The following ALPK1 variants were observed in gnomAD, a reference collection of about 807,000 sequenced individuals.
ALPK1 encodes alpha-protein kinase 1.
A neutral mutation model predicts 120.6 loss-of-function variants in ALPK1; 110 were observed. That is an observed-to-expected ratio of 0.91 (90% CI 0.78 to 1.07). The LOEUF (loss-of-function observed/expected upper bound fraction) is 1.07. ALPK1 is among the 50% of genes least tolerant of loss of function. The pLI, the probability that ALPK1 is intolerant of heterozygous loss-of-function variation, is 0.00. For missense variants in ALPK1, 1,498 were observed against 1,483.9 expected (o/e 1.01, Z -0.16); for synonymous variants, 582 against 560.3 (o/e 1.04, Z -0.55).
At position 112,432,248 on chromosome 4, in the gene ALPK1, C is replaced by A; in HGVS notation, c.2701C>A (p.Leu901Ile). Residue 901 changes from leucine (L) to isoleucine (I), a missense_variant, in exon 11 of 16, where the codon CTC becomes ATC. Physicochemically the swap from Leu to Ile is conservative, Grantham distance 5 (BLOSUM62 2). Transcript: ENST00000650871. ...AAGCGGTAACATCCTCTTCCCTGTC[C>A]TCAGCGAGGACTGCACTACCACAGA... ...SVSGNILFPV[L>I]SEDCTTTEEG... 1 of 1,614,216 alleles carries A rather than the reference C, an allele frequency of 6.2e-7. No homozygotes were observed. The highest frequency in any genetic ancestry group is 1.3e-5 in the African/African-American group (1 of 75,060).
chr4:112,435,033 T>TA, intron 11 of ALPK1, 115 bp from the exon 12 acceptor site: 2 of 1,019,878 alleles, frequency 2.0e-6, no homozygotes, highest in East Asian at 4.9e-5. Context: ...GAAAAGTGTA[T>TA]AAAAAAGTGA....
At chr4:112,324,541 A>G (rs1417539722) in intron 2 of ALPK1, among the ~76,000 whole-genome samples, 1 of 152,138 alleles carries the variant, frequency 6.6e-6, no homozygotes, top group African/African-American at 2.4e-5. Context: ...GCAGTGGCAC[A>G]ATCATAATTC....
At chr4:112,383,233 G>C (rs990182672) in intron 4 of ALPK1, 1 of 151,812 alleles carries the variant, frequency 6.6e-6, no homozygotes, top group African/African-American at 2.4e-5. Flanking sequence ...TGATAGCGTT[G>C]CTTTTTACCC....
At chr4:112,353,976 G>A (rs1452576097) in intron 2 of ALPK1, among the ~76,000 whole-genome samples, 1 of 152,160 alleles carries the variant, frequency 6.6e-6, no homozygotes, top group East Asian at 1.9e-4. Context: ...CTTTTCATAT[G>A]TTTATTAGCC....
intron 2 of ALPK1, among the ~76,000 whole-genome samples, chr4:112,324,781 C>A (rs910985045): frequency 6.6e-6 from 1 of 152,140 alleles, no homozygotes; most frequent in African/African-American, 2.4e-5. Context: ...CAGGCCTGAT[C>A]TCTCATTCTT....
intron 4 of ALPK1, among the ~76,000 whole-genome samples, chr4:112,406,044 G>A (rs1292083410): frequency 6.6e-6 from 1 of 152,118 alleles, no homozygotes; most frequent in African/African-American, 2.4e-5. Flanking sequence ...GTAAAATGGT[G>A]CGAACTCTGT....
intron 5 of ALPK1, 177 bp from the exon 6 acceptor site, chr4:112,423,767 A>T: frequency 1.4e-6 from 1 of 727,372 alleles, no homozygotes; most frequent in Non-Finnish European, 2.5e-6. Context: ...GGAAAACTTC[A>T]TCTTTCTTTT....
chr4:112,322,911 G>A (rs1240025350), intron 2 of ALPK1, among the ~76,000 whole-genome samples: 1 of 152,188 alleles, frequency 6.6e-6, no homozygotes, highest in South Asian at 2.1e-4. Flanking sequence ...CAGCAATAAA[G>A]TACTTTGCCA....
In ALPK1 at chr4:112,438,622, C is replaced by T. The variant is rs1281304555; in HGVS notation, c.3327C>T (p.Phe1109=). ...LYEQNIPTQI[F]YIPSTILLIL... Reference sequence around the variant, plus strand: ...AACAAAACATTCCCACCCAGATATTCTACATCCCATCCACAATACTACTGG... The same window carrying T: ...AACAAAACATTCCCACCCAGATATTTTACATCCCATCCACAATACTACTGG... Residue 1109 remains phenylalanine, a synonymous_variant, in exon 13 of 16, where the codon TTC becomes TTT. Transcript: ENST00000650871. 4 of 1,613,682 alleles carry T rather than the reference C, an allele frequency of 2.5e-6. No homozygotes were observed. The highest frequency in any genetic ancestry group is 2.2e-5 in the East Asian group (1 of 44,872).
intron 2 of ALPK1, among the ~76,000 whole-genome samples, chr4:112,368,438 G>A (rs1731252226): frequency 6.6e-6 from 1 of 151,726 alleles, no homozygotes; most frequent in African/African-American, 2.4e-5. Context: ...AGTCTTTGTG[G>A]GTCTGATTTT....
At chr4:112,388,026 G>T (rs1164559689) in intron 4 of ALPK1, among the ~76,000 whole-genome samples, 1 of 152,196 alleles carries the variant, frequency 6.6e-6, no homozygotes, top group Non-Finnish European at 1.5e-5. Context: ...AGAACATGCG[G>T]TATTTGGTTT....
At chr4:112,332,756 C>T (rs1435660393) in intron 2 of ALPK1, among the ~76,000 whole-genome samples, 3 of 152,138 alleles carry the variant, frequency 2.0e-5, no homozygotes, top group African/African-American at 7.2e-5. Flanking sequence ...CATTTATCAC[C>T]CAACCCTCTT....
intron 2 of ALPK1, among the ~76,000 whole-genome samples, chr4:112,368,477 G>T (rs935807189): frequency 6.6e-6 from 1 of 152,080 alleles, no homozygotes; most frequent in South Asian, 2.1e-4. Flanking sequence ...TTTCATTCAT[G>T]ATTTCTTTTT....
intron 5 of ALPK1, chr4:112,414,997 G>C (rs1275857144): frequency 6.6e-6 from 1 of 152,164 alleles, no homozygotes; most frequent in African/African-American, 2.4e-5. Context: ...ATTCTTAAAG[G>C]TTTGCACAGG....
intron 4 of ALPK1, among the ~76,000 whole-genome samples, chr4:112,405,783 G>T (rs1228037960): frequency 1.3e-5 from 2 of 152,110 alleles, no homozygotes; most frequent in South Asian, 2.1e-4. Flanking sequence ...CACTACGTTG[G>T]CCAGGCTGGT....
In ALPK1 at chr4:112,382,500, A is replaced by C; in HGVS notation, c.224A>C (p.Glu75Ala). ...KWQYKQAVGP[E>A]DKTNLKDVIG... is the part of the protein sequence containing the mutation. ...CAGTACAAACAAGCCGTGGGCCCAG[A>C]GGACAAAACAAACCTGAAGGATGTG... Residue 75 changes from glutamate (E) to alanine (A), a missense_variant, in exon 4 of 16, where the codon GAG becomes GCG. Coordinates refer to ENST00000650871, the MANE Select transcript of ALPK1 (RefSeq NM_025144.4). 6.2e-7 allele frequency: 1 copy of C among 1,614,160 alleles called. No individual in the cohort carries two copies. The highest frequency in any genetic ancestry group is 1.3e-5 in the African/African-American group (1 of 75,040).
In ALPK1 at chr4:112,357,203, T is replaced by G. The variant is rs1352967266; in HGVS notation, c.-100-20475T>G. The G allele has an allele frequency of 3.9e-6, 6 of 1,551,958 alleles. No individual in the cohort carries two copies. In the East Asian group the frequency reaches 1.3e-4, roughly 35 times the overall value. ...GCTGTTTGCTGAAGCCCAGAGCACGTTTCAGACCAAGGGCTGCATCCTGGA... is the reference window on the plus strand; with the variant it reads ...GCTGTTTGCTGAAGCCCAGAGCACGGTTCAGACCAAGGGCTGCATCCTGGA... On this transcript the variant is annotated intron_variant, in intron 2 of 15. Transcript: ENST00000650871.
In ALPK1 at chr4:112,429,264, G is replaced by A; in HGVS notation, c.900+11G>A. On this transcript the variant is annotated intron_variant, in intron 10 of 15. Transcript: ENST00000650871. ...GTGCTCACAGCTGTGGTAAACGAAT[G>A]CAGCCGCTCCTCAAACCCCCACAGG... 6.2e-7 allele frequency: 1 copy of A among 1,602,296 alleles called. No homozygotes were observed. Among genetic ancestry groups the A allele is most frequent in the Non-Finnish European group, 8.5e-7 (1 of 1,174,032 alleles).
At position 112,311,972 on chromosome 4, in the gene ALPK1, G is replaced by A. The variant is rs142366097; in HGVS notation, c.-152-3829G>A. Among the ~76,000 whole-genome samples the A allele has an allele frequency of 5.3e-3, 791 of 150,476 alleles. 9 individuals are homozygous for A. The highest frequency in any genetic ancestry group is 0.018 in the African/African-American group (751 of 41,148). Reference sequence around the variant, plus strand: ...CACACACACCAAAATACACACAGGGGGTCACAGTGTTTTTTTTCTAAATCA... The same window carrying A: ...CACACACACCAAAATACACACAGGGAGTCACAGTGTTTTTTTTCTAAATCA... On this transcript the variant is annotated intron_variant, in intron 1 of 15. Transcript: ENST00000650871.
Sources: gnomAD v4.1 joint callset for allele counts (sites outside exome capture counted in the v4.1 genomes callset) on GRCh38, gnomAD v4.1.1 for gene constraint, MANE v1.5 for transcripts, NCBI Gene and HGNC (gene_info 2026-07-23, HGNC 2026-07-21) for gene names.